The following PDGFD variants were observed in gnomAD, a reference collection of about 807,000 sequenced individuals.
The protein encoded by PDGFD is platelet derived growth factor D.
In PDGFD, 30 loss-of-function variants were observed where a neutral mutation model predicts 44.7. The observed-to-expected ratio is 0.67, with a 90% confidence interval of 0.50 to 0.91. The LOEUF (loss-of-function observed/expected upper bound fraction) is 0.91, where lower values mean the gene tolerates loss of function less well. Ranked by LOEUF, PDGFD falls within the 40% of genes least tolerant of loss-of-function variation. The pLI is 0.00. For synonymous variants in PDGFD, 173 were observed against 168.4 expected (o/e 1.03, Z -0.21); for missense variants, 445 against 457.8 (o/e 0.97, Z 0.25).
At chr11:104,117,085 G>A (rs1025490453) in intron 1 of PDGFD, among the ~76,000 whole-genome samples, 56 of 151,922 alleles carry the variant, frequency 3.7e-4, no homozygotes, top group Non-Finnish European at 1.0e-4. Context: ...ACATATGCAA[G>A]TCAATCAATG....
At chr11:103,969,790 C>T (rs954344854) in intron 3 of PDGFD, among the ~76,000 whole-genome samples, 1 of 151,774 alleles carries the variant, frequency 6.6e-6, no homozygotes, top group African/African-American at 2.4e-5. Context: ...ATAAAATACC[C>T]AGACAATGAA....
intron 5 of PDGFD, among the ~76,000 whole-genome samples, chr11:103,934,999 T>C (rs1268873082): frequency 1.3e-5 from 2 of 152,170 alleles, no homozygotes; most frequent in African/African-American, 4.8e-5. Context: ...CCCATAATAA[T>C]TTTCCAATGC....
At chr11:104,019,394 G>C (rs530563086) in intron 1 of PDGFD, among the ~76,000 whole-genome samples, 1 of 152,108 alleles carries the variant, frequency 6.6e-6, no homozygotes, top group East Asian at 1.9e-4. Flanking sequence ...ATTAATGTCT[G>C]AGAAATAAAT....
chr11:104,109,275 G>A (rs1035441954), intron 1 of PDGFD, among the ~76,000 whole-genome samples: 1 of 151,986 alleles, frequency 6.6e-6, no homozygotes, highest in Non-Finnish European at 1.5e-5. Flanking sequence ...AATCAGGCTT[G>A]AGCCCTGTGT....
chr11:104,029,193 A>G (rs1422206333), intron 1 of PDGFD, among the ~76,000 whole-genome samples: 7 of 152,334 alleles, frequency 4.6e-5, no homozygotes, highest in African/African-American at 9.6e-5. Flanking sequence ...CCATTTAAAA[A>G]ATAAAATAGA....
At chr11:104,010,735 CTGTT>C (rs1314672736) in intron 1 of PDGFD, among the ~76,000 whole-genome samples, 6 of 151,850 alleles carry the variant, frequency 4.0e-5, no homozygotes, top group African/African-American at 7.3e-5. Context: ...CTATGGTAGT[CTGTT>C]TGTGTTGCGA....
intron 1 of PDGFD, among the ~76,000 whole-genome samples, chr11:104,153,690 ATTACT>A: frequency 6.6e-6 from 1 of 152,204 alleles, no homozygotes; most frequent in Non-Finnish European, 1.5e-5. Context: ...TTACAAACTA[ATTACT>A]TCACATGATT....
chr11:104,033,865 G>A (rs779027692), intron 1 of PDGFD, among the ~76,000 whole-genome samples: 8 of 152,184 alleles, frequency 5.3e-5, no homozygotes, highest in Non-Finnish European at 1.0e-4. Flanking sequence ...TGATAAACTT[G>A]TCAGGGTGCA....
intron 1 of PDGFD, among the ~76,000 whole-genome samples, chr11:104,071,146 A>AT (rs1860869279): frequency 6.6e-6 from 1 of 151,984 alleles, no homozygotes; most frequent in South Asian, 2.1e-4. Context: ...TTTTAAGTGT[A>AT]TAGTACTACT....
At chr11:104,089,946 C>T (rs1434344415) in intron 1 of PDGFD, among the ~76,000 whole-genome samples, 1 of 152,022 alleles carries the variant, frequency 6.6e-6, no homozygotes, top group East Asian at 1.9e-4. Flanking sequence ...GTTCCCTTGC[C>T]TCAAATCAAA....
intron 3 of PDGFD, among the ~76,000 whole-genome samples, chr11:103,977,491 A>T (rs1056075300): frequency 6.6e-6 from 1 of 152,120 alleles, no homozygotes; most frequent in African/African-American, 2.4e-5. Context: ...AAGCTTGTCC[A>T]CCATGATCAA....
chr11:104,015,462 G>C (rs1010165527), intron 1 of PDGFD, among the ~76,000 whole-genome samples: 3 of 151,884 alleles, frequency 2.0e-5, no homozygotes, highest in African/African-American at 7.3e-5. Flanking sequence ...CATCTTTCTT[G>C]GTATTTCAGA....
At chr11:104,036,698 A>G (rs1313533016) in intron 1 of PDGFD, 2 of 744,640 alleles carry the variant, frequency 2.7e-6, no homozygotes, top group Non-Finnish European at 4.5e-6. Context: ...TGAGAGGTGA[A>G]TGAGCCCGGA....
intron 3 of PDGFD, among the ~76,000 whole-genome samples, chr11:103,951,333 A>T (rs1858753358): frequency 6.6e-6 from 1 of 152,174 alleles, no homozygotes; most frequent in African/African-American, 2.4e-5. Flanking sequence ...CCACAATATG[A>T]TTATTTCTCA....
At chr11:103,957,271 C>T (rs542991359) in intron 3 of PDGFD, among the ~76,000 whole-genome samples, 3 of 152,156 alleles carry the variant, frequency 2.0e-5, no homozygotes, top group East Asian at 3.9e-4. Context: ...GAATCAATAT[C>T]GTGAAAATGG....
intron 1 of PDGFD, among the ~76,000 whole-genome samples, chr11:104,159,989 C>G (rs1862366550): frequency 6.6e-6 from 1 of 152,142 alleles, no homozygotes; most frequent in South Asian, 2.1e-4. Flanking sequence ...CTTTAATATC[C>G]TTAGAGCTGA....
intron 1 of PDGFD, among the ~76,000 whole-genome samples, chr11:104,091,411 C>T (rs1210256421): frequency 1.3e-5 from 2 of 152,210 alleles, no homozygotes; most frequent in Non-Finnish European, 2.9e-5. Flanking sequence ...CTTCTCTCTA[C>T]TTCTGCATTA....
At chr11:104,102,776 T>C (rs1020219596) in intron 1 of PDGFD, among the ~76,000 whole-genome samples, 3 of 152,052 alleles carry the variant, frequency 2.0e-5, no homozygotes, top group African/African-American at 7.2e-5. Context: ...ATGTCCTTTG[T>C]AGGGACATGG....
At chr11:104,149,370 C>A (rs1010485287) in intron 1 of PDGFD, among the ~76,000 whole-genome samples, 6 of 152,142 alleles carry the variant, frequency 3.9e-5, no homozygotes, top group African/African-American at 1.4e-4. Context: ...AAGACCAAAA[C>A]AGTTCTAATA....
Sources: gnomAD v4.1 joint callset for allele counts (sites outside exome capture counted in the v4.1 genomes callset) on GRCh38, gnomAD v4.1.1 for gene constraint, MANE v1.5 for transcripts, NCBI Gene and HGNC (gene_info 2026-07-23, HGNC 2026-07-21) for gene names.